Variants in EPHA5 observed in about 807,000 individuals in gnomAD.
The protein encoded by EPHA5 is EPH receptor A5, also known as ephrin type-A receptor 5.
EPHA5 carries 60 observed loss-of-function variants against 105.0 expected under a neutral mutation model. The observed-to-expected ratio is 0.57, with a 90% CI of 0.46 to 0.71. EPHA5 has a LOEUF of 0.71. EPHA5 is among the 30% of genes least tolerant of loss of function. The pLI, the probability that EPHA5 is intolerant of heterozygous loss-of-function variation, is 0.00. For missense variants in EPHA5, 1,218 were observed against 1,274.7 expected (o/e 0.96, Z 0.68); for synonymous variants, 513 against 449.1 (o/e 1.14, Z -1.80).
rs1446586458 is a variant in EPHA5 at position 65,495,301 on chromosome 4, T to C, written c.1066+87A>G. On this transcript the variant is annotated intron_variant, in intron 4 of 16. Transcript: ENST00000613740. ...ACATTATGTCTGTTTTAGGGGGAAA[T>C]GTTACTAGACTATAACAGGCTCCAT... 2.2e-6 allele frequency: 3 copies of C among 1,345,144 alleles called. No homozygotes were observed. The African/African-American group carries it at 4.4e-5, about 20-fold the overall frequency. 83.3% of individuals were successfully genotyped at this position (1,345,144 alleles called of 1,614,324 possible).
At chr4:65,552,868 A>T (rs1350068547) in intron 3 of EPHA5, among the ~76,000 whole-genome samples, 1 of 152,032 alleles carries the variant, frequency 6.6e-6, no homozygotes, top group African/African-American at 2.4e-5. Context: ...TCTTTTTTTT[A>T]GTAAATAAGC....
intron 3 of EPHA5, among the ~76,000 whole-genome samples, chr4:65,510,995 C>G (rs913309614): frequency 2.0e-5 from 3 of 152,164 alleles, no homozygotes; most frequent in African/African-American, 7.2e-5. Context: ...ATCTCTCTCT[C>G]TCTGTCTCTC....
intron 3 of EPHA5, among the ~76,000 whole-genome samples, chr4:65,521,613 C>T (rs1734727020): frequency 6.6e-6 from 1 of 151,842 alleles, no homozygotes; most frequent in Admixed American, 6.6e-5. Flanking sequence ...TTTACGTCTA[C>T]TTTTTAATTT....
At chr4:65,612,016 CAAAAAAAAAAAAAA>C (rs1167342911) in intron 2 of EPHA5, among the ~76,000 whole-genome samples, 1 of 58,104 alleles carries the variant, frequency 1.7e-5, no homozygotes. Context: ...GACCCTCTCT[CAAAAAAAAAAAAAA>C]AAAAAAAAAG....
At chr4:65,511,358 T>A (rs1733612367) in intron 3 of EPHA5, among the ~76,000 whole-genome samples, 1 of 152,216 alleles carries the variant, frequency 6.6e-6, no homozygotes, top group Non-Finnish European at 1.5e-5. Flanking sequence ...GTGGACTAAC[T>A]GATCTGTAGT....
At chr4:65,477,322 T>C (rs1729918204) in intron 5 of EPHA5, among the ~76,000 whole-genome samples, 1 of 152,222 alleles carries the variant, frequency 6.6e-6, no homozygotes, top group Non-Finnish European at 1.5e-5. Flanking sequence ...ATTCTGGCTC[T>C]AGTATAAGAA....
intron 3 of EPHA5, among the ~76,000 whole-genome samples, chr4:65,504,561 A>T (rs747521085): frequency 6.6e-6 from 1 of 151,454 alleles, no homozygotes; most frequent in Non-Finnish European, 1.5e-5. Flanking sequence ...AAGGGTATGG[A>T]AAAATATTTA....
chr4:65,465,433 C>G (rs1410703054), intron 5 of EPHA5, among the ~76,000 whole-genome samples: 1 of 43,324 alleles, frequency 2.3e-5, no homozygotes, highest in African/African-American at 8.1e-5. Context: ...CCCCCCACCC[C>G]TCTAAAGAAA....
At chr4:65,629,056 G>A (rs1032657469) in intron 2 of EPHA5, among the ~76,000 whole-genome samples, 8 of 152,144 alleles carry the variant, frequency 5.3e-5, no homozygotes, top group Admixed American at 4.6e-4. Context: ...TGCTCAAGGA[G>A]TTCACATTGA....
intron 13 of EPHA5, 96 bp from the exon 14 acceptor site, chr4:65,348,299 AT>A: frequency 8.8e-7 from 1 of 1,131,674 alleles, no homozygotes; most frequent in Non-Finnish European, 1.2e-6. Context: ...GAGATGTAGC[AT>A]TTTTAAGTGA....
rs373106200 is a variant in EPHA5, at chr4:65,532,586, T to C, written c.911-37043A>G. Among the ~76,000 whole-genome samples the C allele has an allele frequency of 1.3e-4, 18 of 141,512 alleles. No individual in the cohort carries two copies. In the East Asian group the frequency reaches 2.1e-3, roughly 17 times the overall value. 92.8% of individuals were successfully genotyped at this position (141,512 alleles called of 152,430 possible). ...GTCCTGTCTTATTCTTTTGAAATCA[T>C]TTATTATTTTTCCAATAGCTCTTTT... On this transcript the variant is annotated intron_variant, in intron 3 of 16. Coordinates refer to ENST00000613740, the MANE Select transcript of EPHA5 (RefSeq NM_001281766.3).
intron 7 of EPHA5, among the ~76,000 whole-genome samples, chr4:65,408,401 T>C (rs1041063006): frequency 6.6e-6 from 1 of 152,090 alleles, no homozygotes; most frequent in African/African-American, 2.4e-5. Flanking sequence ...GGAAATATCA[T>C]GGGAACACTT....
At chr4:65,542,725 G>A (rs1736964555) in intron 3 of EPHA5, among the ~76,000 whole-genome samples, 1 of 151,302 alleles carries the variant, frequency 6.6e-6, no homozygotes. Context: ...ATTTTATGGG[G>A]CCAGCATCAT....
chr4:65,496,366 C>T (rs1578253935), intron 3 of EPHA5, among the ~76,000 whole-genome samples: 1 of 144,024 alleles, frequency 6.9e-6, no homozygotes, highest in Non-Finnish European at 1.5e-5. Flanking sequence ...TCTCCCAATG[C>T]TATCCCTCCC....
chr4:65,567,896 C>A (rs1199873287), intron 3 of EPHA5, among the ~76,000 whole-genome samples: 3 of 151,510 alleles, frequency 2.0e-5, no homozygotes, highest in African/African-American at 7.3e-5. Context: ...GTTTAAAATT[C>A]TGCCTGCTGA....
At chr4:65,340,028 C>A (rs1721559369) in intron 14 of EPHA5, among the ~76,000 whole-genome samples, 1 of 152,152 alleles carries the variant, frequency 6.6e-6, no homozygotes, top group Non-Finnish European at 1.5e-5. Flanking sequence ...AAATTTGTAA[C>A]AACTCACTCT....
chr4:65,483,262 G>T (rs375655705), intron 5 of EPHA5, among the ~76,000 whole-genome samples: 2 of 152,232 alleles, frequency 1.3e-5, no homozygotes, highest in South Asian at 4.1e-4. Flanking sequence ...GTCTATCATT[G>T]TTGGACATTT....
intron 3 of EPHA5, among the ~76,000 whole-genome samples, chr4:65,558,011 G>A (rs1046662154): frequency 2.6e-5 from 4 of 151,922 alleles, no homozygotes; most frequent in Non-Finnish European, 4.4e-5. Context: ...AGAGTAGCTG[G>A]GATTACAGGT....
intron 5 of EPHA5, among the ~76,000 whole-genome samples, chr4:65,425,251 A>G (rs143389826): frequency 2.0e-3 from 300 of 152,256 alleles, no homozygotes; most frequent in Non-Finnish European, 3.4e-3. Flanking sequence ...ATTTAAACAC[A>G]AGGTTTAAAA....
Sources: gnomAD v4.1 joint callset for allele counts (sites outside exome capture counted in the v4.1 genomes callset) on GRCh38, gnomAD v4.1.1 for gene constraint, MANE v1.5 for transcripts, NCBI Gene and HGNC (gene_info 2026-07-23, HGNC 2026-07-21) for gene names.